Variants in ZNF131 observed in about 807,000 individuals in gnomAD.
ZNF131 encodes zinc finger and BTB domain containing 35.
ZNF131 carries 7 observed loss-of-function variants against 60.0 expected under a neutral mutation model. The ratio of observed to expected loss-of-function variants is 0.12; its 90% CI spans 0.07 to 0.22. ZNF131 has a LOEUF of 0.22. ZNF131 is among the 10% of genes least tolerant of loss of function. ZNF131 has a pLI of 1.00. For missense variants in ZNF131, 493 were observed against 740.9 expected (o/e 0.67, Z 3.88); for synonymous variants, 257 against 253.2 (o/e 1.01, Z -0.14).
intron 4 of ZNF131, among the ~76,000 whole-genome samples, chr5:43,152,699 C>T (rs923681799): frequency 1.3e-5 from 2 of 152,148 alleles, no homozygotes; most frequent in Non-Finnish European, 2.9e-5. Flanking sequence ...TGTAACTTTC[C>T]AGGCTCAGAT....
chr5:43,166,633 A>G (rs1387475963), intron 5 of ZNF131, among the ~76,000 whole-genome samples: 1 of 148,910 alleles, frequency 6.7e-6, no homozygotes, highest in Non-Finnish European at 1.5e-5. Flanking sequence ...GTGCTGGATT[A>G]CAGGCACGAG....
At chr5:43,130,505 A>C (rs973631168) in intron 3 of ZNF131, among the ~76,000 whole-genome samples, 2 of 152,168 alleles carry the variant, frequency 1.3e-5, no homozygotes, top group Non-Finnish European at 2.9e-5. Context: ...GCTGGTTGTT[A>C]AATGAGAAAA....
At chr5:43,136,650 C>CTTT (rs139991070) in intron 3 of ZNF131, among the ~76,000 whole-genome samples, 6 of 122,510 alleles carry the variant, frequency 4.9e-5, no homozygotes, top group Admixed American at 9.3e-5. Flanking sequence ...TTTTCTTTTT[C>CTTT]TTTTTTTTTT....
intron 3 of ZNF131, among the ~76,000 whole-genome samples, chr5:43,127,173 G>A (rs1467265578): frequency 6.6e-6 from 1 of 152,106 alleles, no homozygotes; most frequent in Non-Finnish European, 1.5e-5. Flanking sequence ...ATCTTAGCTA[G>A]AACTGGGACC....
intron 3 of ZNF131, among the ~76,000 whole-genome samples, chr5:43,136,306 G>C (rs1056217984): frequency 6.6e-6 from 1 of 152,036 alleles, no homozygotes; most frequent in Non-Finnish European, 1.5e-5. Context: ...TATTCAGCCT[G>C]TATTACAGAA....
At chr5:43,141,597 C>T (rs1038792859) in intron 4 of ZNF131, among the ~76,000 whole-genome samples, 1 of 151,890 alleles carries the variant, frequency 6.6e-6, no homozygotes, top group Admixed American at 6.6e-5. Flanking sequence ...GGTGAAACGC[C>T]AACTCTATGA....
At chr5:43,122,207 T>A (rs372521618) in intron 2 of ZNF131, 30 bp downstream of exon 2, 13 of 1,581,826 alleles carry the variant, frequency 8.2e-6, no homozygotes, top group Non-Finnish European at 1.1e-5. Context: ...GAGGAGCGAA[T>A]TTTTGGCTTC....
At chr5:43,139,767 A>T (rs1561405120) in intron 4 of ZNF131, among the ~76,000 whole-genome samples, 1 of 152,240 alleles carries the variant, frequency 6.6e-6, no homozygotes, top group Non-Finnish European at 1.5e-5. Flanking sequence ...GCATACCATA[A>T]GTCTATAGTA....
intron 2 of ZNF131, 77 bp downstream of exon 2, chr5:43,122,254 T>TC (rs1743957341): frequency 6.8e-7 from 1 of 1,469,704 alleles, no homozygotes; most frequent in African/African-American, 1.4e-5. Flanking sequence ...GCCTTTTTTT[T>TC]TTTTTTTTTT....
rs553456627 is a variant in ZNF131 at position 43,122,046 on chromosome 5, C to G, written c.-8C>G. ...CATGCTCTTCTTTTGTAGAGCAGCC[C>G]GACGGCCATGGAGGCTGAAGAGACG... On this transcript the variant is annotated 5_prime_UTR_variant, in exon 2 of 7. Coordinates refer to ENST00000682664, the MANE Select transcript of ZNF131 (RefSeq NM_001330707.2). 1.9e-6 allele frequency: 3 copies of G among 1,613,752 alleles called. No homozygotes were observed. In the African/African-American group the frequency reaches 4.0e-5, roughly 22 times the overall value.
rs1205635519 is a variant in ZNF131 at position 43,162,969 on chromosome 5, CTTTTTTT to C, written c.1054+1050_1054+1056del. On this transcript the variant is annotated intron_variant, in intron 5 of 6. Coordinates refer to ENST00000682664, the MANE Select transcript of ZNF131 (RefSeq NM_001330707.2). ...TTTATACTTCTTTTCTTTTATTTGC[CTTTTTTT>C]TTTTTTTTTTTGGCAGATGGAGTCT... 2.9e-3 allele frequency among the ~76,000 whole-genome samples: 191 copies of C among 64,924 alleles called. 9 individuals are homozygous for C. Among genetic ancestry groups the C allele is most frequent in the African/African-American group, 9.2e-3 (181 of 19,774 alleles). 42.6% of individuals were successfully genotyped at this position (64,924 alleles called of 152,430 possible).
At chr5:43,142,293 G>T (rs1184335294) in intron 4 of ZNF131, among the ~76,000 whole-genome samples, 28 of 146,510 alleles carry the variant, frequency 1.9e-4, no homozygotes, top group Admixed American at 1.9e-3. Flanking sequence ...AGTGAGCTGA[G>T]ATCATGCCAC....
At chr5:43,121,838 G>T (rs1373862361) in intron 1 of ZNF131, 3 of 454,478 alleles carry the variant, frequency 6.6e-6, no homozygotes, top group African/African-American at 2.1e-5. Context: ...GGTCAGGCTC[G>T]GAGTCCCGCG....
intron 4 of ZNF131, among the ~76,000 whole-genome samples, chr5:43,151,855 A>G (rs1179467857): frequency 2.0e-5 from 3 of 152,168 alleles, no homozygotes; most frequent in East Asian, 1.9e-4. Context: ...CGTGCCTCCA[A>G]AGTAGGCACG....
chr5:43,153,466 A>G (rs934059780), intron 4 of ZNF131, among the ~76,000 whole-genome samples: 1 of 120,576 alleles, frequency 8.3e-6, no homozygotes, highest in African/African-American at 2.9e-5. Flanking sequence ...TCTCTACTAA[A>G]AAAAAAAAAA....
intron 3 of ZNF131, among the ~76,000 whole-genome samples, chr5:43,127,062 T>G (rs1478797268): frequency 1.3e-5 from 2 of 152,162 alleles, no homozygotes; most frequent in Admixed American, 6.6e-5. Flanking sequence ...TCTGCTTGCT[T>G]CAAATTACTT....
rs548701553 is a variant in ZNF131 at position 43,153,227 on chromosome 5, A to G, written c.372-8022A>G. On this transcript the variant is annotated intron_variant, in intron 4 of 6. Transcript: ENST00000682664. ...AAGAGAATCCAGATGGCTGAACTAG[A>G]ATGAAGTTCGAATTTCCTAACCCTG... Among the ~76,000 whole-genome samples, 3 of 152,280 alleles carry G rather than the reference A, an allele frequency of 2.0e-5. No homozygotes were observed. The East Asian group carries it at 5.8e-4, about 29-fold the overall frequency.
chr5:43,136,373 T>G (rs1294854354), intron 3 of ZNF131, among the ~76,000 whole-genome samples: 1 of 152,068 alleles, frequency 6.6e-6, no homozygotes, highest in East Asian at 1.9e-4. Flanking sequence ...TTTTTTTTGT[T>G]TTATGGAAAC....
chr5:43,165,306 C>G (rs1750213263), intron 5 of ZNF131, among the ~76,000 whole-genome samples: 2 of 134,396 alleles, frequency 1.5e-5, no homozygotes, highest in East Asian at 4.7e-4. Context: ...TGAGACCTCT[C>G]TCTTTGGCTT....
Sources: allele counts gnomAD v4.1 joint callset (sites outside exome capture counted in the v4.1 genomes callset), GRCh38; gene constraint gnomAD v4.1.1; transcripts MANE v1.5; gene names NCBI Gene and HGNC (gene_info 2026-07-23, HGNC 2026-07-21).